CA10: variants seen among roughly 807,000 people sequenced by gnomAD.
CA10 encodes the protein carbonic anhydrase-related protein 10.
A neutral mutation model predicts 44.2 loss-of-function variants in CA10; 14 were observed. The ratio of observed to expected loss-of-function variants is 0.32; its 90% CI spans 0.21 to 0.50. The LOEUF (loss-of-function observed/expected upper bound fraction) is 0.50. Among genes scored for constraint, CA10 ranks in the 20% least tolerant of loss-of-function variants. CA10 has a pLI of 0.99. For synonymous variants in CA10, 159 were observed against 141.6 expected, an observed-to-expected ratio of 1.12 and a Z score of -0.87; for missense variants, 350 against 409.7, an observed-to-expected ratio of 0.85 and a Z score of 1.26.
At chr17:51,785,961 AT>A (rs1008843919) in intron 3 of CA10, among the ~76,000 whole-genome samples, 1 of 152,138 alleles carries the variant, frequency 6.6e-6, no homozygotes, top group South Asian at 2.1e-4. Flanking sequence ...TCCACTTTCC[AT>A]TTTTTTGGTG....
In CA10 at chr17:51,630,500, A is replaced by G. The variant is rs988132102; in HGVS notation, c.*1084T>C. The G allele has an allele frequency of 6.6e-6, 1 of 152,638 alleles. No homozygotes were observed. The highest frequency in any genetic ancestry group is 1.5e-5 in the Non-Finnish European group (1 of 68,036). The allele number at this position is 152,638 out of a possible 1,614,324, so 9.5% of individuals were successfully genotyped here. A position where few individuals can be genotyped will look rare whatever the true frequency, so the allele number is the denominator to read the frequency against. On this transcript the variant is annotated 3_prime_UTR_variant, in exon 9 of 9. Coordinates refer to ENST00000451037, the MANE Select transcript of CA10 (RefSeq NM_020178.5). ...AAGTGCATTCCTTCACGGGAGCATC[A>G]CAGGGGGGCATGGCAGTTTTGAAAC...
intron 2 of CA10, among the ~76,000 whole-genome samples, chr17:52,040,873 G>C (rs1420389803): frequency 2.0e-5 from 3 of 152,024 alleles, no homozygotes; most frequent in Non-Finnish European, 4.4e-5. Context: ...TAGCATGCTG[G>C]AGAGAAGAAT....
chr17:51,800,734 T>C (rs1455671636), intron 3 of CA10, among the ~76,000 whole-genome samples: 1 of 152,208 alleles, frequency 6.6e-6, no homozygotes, highest in Non-Finnish European at 1.5e-5. Context: ...GGAAAATGTA[T>C]ATTAGAATCA....
intron 2 of CA10, among the ~76,000 whole-genome samples, chr17:51,959,909 A>G (rs2144048381): frequency 6.6e-6 from 1 of 152,018 alleles, no homozygotes; most frequent in South Asian, 2.1e-4. Context: ...ATCCCAAATT[A>G]CTAAAAATAA....
intron 3 of CA10, among the ~76,000 whole-genome samples, chr17:51,856,928 A>G (rs1042024878): frequency 2.6e-5 from 4 of 152,212 alleles, no homozygotes; most frequent in Admixed American, 6.5e-5. Context: ...GTTCAGGATA[A>G]TAGTCCAGAG....
At chr17:52,151,904 C>A (rs1451511744) in intron 1 of CA10, among the ~76,000 whole-genome samples, 1 of 152,112 alleles carries the variant, frequency 6.6e-6, no homozygotes, top group Non-Finnish European at 1.5e-5. Context: ...CCTATCTGGG[C>A]TCCAAAACCC....
intron 2 of CA10, among the ~76,000 whole-genome samples, chr17:52,001,179 A>C (rs1319276429): frequency 1.3e-5 from 2 of 151,960 alleles, no homozygotes; most frequent in Non-Finnish European, 2.9e-5. Context: ...TGTGTGGCCT[A>C]TGAGGTAAGA....
intron 3 of CA10, among the ~76,000 whole-genome samples, chr17:51,836,756 G>A (rs886489370): frequency 6.6e-6 from 1 of 152,224 alleles, no homozygotes; most frequent in African/African-American, 2.4e-5. Flanking sequence ...CATGTTGAAT[G>A]TTATAAAACT....
At chr17:51,636,775 TTGTGTGTGTGTGTGTGTG>T (rs57428535) in intron 6 of CA10, among the ~76,000 whole-genome samples, 4 of 146,512 alleles carry the variant, frequency 2.7e-5, no homozygotes, top group Admixed American at 6.8e-5. Flanking sequence ...ACTGATTATT[TTGTGTGTGTGTGTGTGTG>T]TGTGTGTGTG....
chr17:51,743,525 T>A (rs926552109), intron 4 of CA10, among the ~76,000 whole-genome samples: 1 of 152,240 alleles, frequency 6.6e-6, no homozygotes, highest in African/African-American at 2.4e-5. Flanking sequence ...GTAATTTTTA[T>A]AAAAATGCAG....
At chr17:51,852,486 T>C (rs1978840881) in intron 3 of CA10, among the ~76,000 whole-genome samples, 1 of 152,232 alleles carries the variant, frequency 6.6e-6, no homozygotes, top group Non-Finnish European at 1.5e-5. Flanking sequence ...ATGTTAAATT[T>C]AGTCATCATG....
intron 3 of CA10, among the ~76,000 whole-genome samples, chr17:51,926,349 C>A (rs999502317): frequency 1.3e-5 from 2 of 152,090 alleles, no homozygotes; most frequent in African/African-American, 4.8e-5. Flanking sequence ...TATAATTTTA[C>A]AAAAATGCCA....
At chr17:51,962,023 T>C (rs1486678188) in intron 2 of CA10, among the ~76,000 whole-genome samples, 1 of 151,732 alleles carries the variant, frequency 6.6e-6, no homozygotes, top group Non-Finnish European at 1.5e-5. Context: ...GCCACCCAAC[T>C]CCTCCTGTGC....
chr17:51,930,861 G>C (rs1982628948), intron 3 of CA10, 129 bp downstream of exon 3: 1 of 1,049,026 alleles, frequency 9.5e-7, no homozygotes. Flanking sequence ...ATGGCGGCAG[G>C]TCTGAAGTCT....
chr17:52,055,921 C>T (rs1987215378), intron 2 of CA10, among the ~76,000 whole-genome samples: 2 of 152,092 alleles, frequency 1.3e-5, no homozygotes. Context: ...TAGCTACACC[C>T]TGTGAATTTC....
In CA10 at chr17:51,661,358, G is replaced by T. The variant is rs114021679; in HGVS notation, c.466-7622C>A. Among the ~76,000 whole-genome samples, 881 of 152,286 alleles carry T rather than the reference G, an allele frequency of 5.8e-3. 6 individuals are homozygous for T. The highest frequency in any genetic ancestry group is 0.02 in the African/African-American group (844 of 41,548). Reference sequence around the variant, plus strand: ...TAAAGAACAGTCTGGAATTCCAAAGGTTATCTCTAATGGGAACCAAGACAC... The same window carrying T: ...TAAAGAACAGTCTGGAATTCCAAAGTTTATCTCTAATGGGAACCAAGACAC... On this transcript the variant is annotated intron_variant, in intron 4 of 8. Coordinates refer to ENST00000451037, the MANE Select transcript of CA10 (RefSeq NM_020178.5).
At chr17:52,016,444 G>T (rs1985970565) in intron 2 of CA10, among the ~76,000 whole-genome samples, 1 of 152,092 alleles carries the variant, frequency 6.6e-6, no homozygotes, top group Non-Finnish European at 1.5e-5. Flanking sequence ...AAGCTAATTT[G>T]ATTTGCTTTG....
intron 2 of CA10, among the ~76,000 whole-genome samples, chr17:52,036,425 T>C (rs1159282366): frequency 1.3e-5 from 2 of 152,114 alleles, no homozygotes; most frequent in Admixed American, 6.5e-5. Context: ...TAATAGATGA[T>C]ACAGTATGTA....
chr17:51,653,552 T>C, intron 5 of CA10, 89 bp downstream of exon 5: 1 of 786,886 alleles, frequency 1.3e-6, no homozygotes, highest in South Asian at 1.4e-5. Context: ...GCACCCCTTT[T>C]AATATTTCTA....
Sources: allele counts gnomAD v4.1 joint callset (sites outside exome capture counted in the v4.1 genomes callset), GRCh38; gene constraint gnomAD v4.1.1; transcripts MANE v1.5; gene names NCBI Gene and HGNC (gene_info 2026-07-23, HGNC 2026-07-21).